The following DLG2 variants were observed in gnomAD, a reference collection of about 807,000 sequenced individuals.
The protein encoded by DLG2 is disks large homolog 2.
Under a neutral mutation model 132.5 loss-of-function variants are expected in DLG2, and 45 were observed. That is an observed-to-expected ratio of 0.34 (90% CI 0.27 to 0.44). DLG2 has a LOEUF of 0.44. DLG2 is among the 20% of genes least tolerant of loss of function. The pLI, the probability that DLG2 is intolerant of heterozygous loss-of-function variation, is 1.00. For missense variants in DLG2, 1,045 were observed against 1,196.9 expected (o/e 0.87, Z 1.87); for synonymous variants, 424 against 419.6 (o/e 1.01, Z -0.13).
chr11:85,593,366 G>C (rs1384467482), intron 3 of DLG2, among the ~76,000 whole-genome samples: 1 of 152,130 alleles, frequency 6.6e-6, no homozygotes, highest in Non-Finnish European at 1.5e-5. Context: ...GAAAGGATTA[G>C]TAAAGTACCA....
chr11:83,502,266 C>A (rs2094478729), intron 21 of DLG2, among the ~76,000 whole-genome samples: 1 of 152,126 alleles, frequency 6.6e-6, no homozygotes, highest in East Asian at 1.9e-4. Flanking sequence ...GAGTCACAAG[C>A]CAAGATTCAT....
chr11:84,326,240 C>T (rs1246982864), intron 7 of DLG2, among the ~76,000 whole-genome samples: 3 of 151,052 alleles, frequency 2.0e-5, no homozygotes, highest in African/African-American at 4.9e-5. Context: ...TTATTTTTTT[C>T]TCTAATTATT....
chr11:83,499,895 A>ATATACATCTATC (rs1296866569), intron 21 of DLG2, among the ~76,000 whole-genome samples: 13 of 114,522 alleles, frequency 1.1e-4, no homozygotes, highest in African/African-American at 3.8e-4. Flanking sequence ...ATATATATAT[A>ATATACATCTATC]TATCAGTTCT....
chr11:84,661,623 GAT>G (rs1382599911), intron 6 of DLG2, among the ~76,000 whole-genome samples: 1 of 152,120 alleles, frequency 6.6e-6, no homozygotes, highest in African/African-American at 2.4e-5. Flanking sequence ...ACAAGCCAGG[GAT>G]ATAAGAGCAA....
At chr11:84,958,088 T>C (rs1490156015) in intron 6 of DLG2, among the ~76,000 whole-genome samples, 1 of 152,178 alleles carries the variant, frequency 6.6e-6, no homozygotes, top group Non-Finnish European at 1.5e-5. Flanking sequence ...GTAGAATTTG[T>C]TTAATATTAT....
intron 3 of DLG2, among the ~76,000 whole-genome samples, chr11:85,377,760 C>T (rs1414737367): frequency 7.0e-6 from 1 of 142,890 alleles, no homozygotes; most frequent in Non-Finnish European, 1.5e-5. Flanking sequence ...CTGTTTCTTG[C>T]TAAGTGCAAT....
At chr11:84,145,004 A>G (rs1026400662) in intron 9 of DLG2, among the ~76,000 whole-genome samples, 13 of 152,268 alleles carry the variant, frequency 8.5e-5, no homozygotes, top group Middle Eastern at 3.4e-3. Context: ...GTTATTTCCA[A>G]TATTCTCAGA....
intron 21 of DLG2, among the ~76,000 whole-genome samples, chr11:83,507,683 A>G (rs926800256): frequency 1.4e-5 from 2 of 144,292 alleles, no homozygotes; most frequent in Admixed American, 1.4e-4. Flanking sequence ...TAAGTCCTTG[A>G]TGGTGGCACT....
At chr11:84,064,629 C>A (rs1012458516) in intron 10 of DLG2, among the ~76,000 whole-genome samples, 2 of 151,714 alleles carry the variant, frequency 1.3e-5, no homozygotes, top group Admixed American at 6.6e-5. Context: ...CAGTAAGCAT[C>A]AAAAATGTTA....
chr11:84,943,641 T>TC (rs1402774116), intron 6 of DLG2, among the ~76,000 whole-genome samples: 2 of 152,156 alleles, frequency 1.3e-5, no homozygotes, highest in East Asian at 3.8e-4. Context: ...TTTAACTTCA[T>TC]CCCCCCGATT....
intron 6 of DLG2, among the ~76,000 whole-genome samples, chr11:84,569,596 A>T (rs1027143224): frequency 6.6e-6 from 1 of 152,246 alleles, no homozygotes; most frequent in African/African-American, 2.4e-5. Flanking sequence ...CTAAACTGAA[A>T]AATTCATTAT....
rs542734804 is a variant in DLG2 at position 85,088,917 on chromosome 11, C to G, written c.357+22744G>C. On this transcript the variant is annotated intron_variant, in intron 6 of 27. Transcript: ENST00000376104. ...CATGGTTCAGTAACATTAAACCAAT[C>G]AGTTATACAAAATCAGCTTAAATAG... Among the ~76,000 whole-genome samples the G allele has an allele frequency of 8.5e-5, 13 of 152,228 alleles. No individual in the cohort carries two copies. In the East Asian group the frequency reaches 2.5e-3, roughly 29 times the overall value.
At chr11:83,557,395 G>T (rs1050817570) in intron 19 of DLG2, among the ~76,000 whole-genome samples, 1 of 152,188 alleles carries the variant, frequency 6.6e-6, no homozygotes, top group Non-Finnish European at 1.5e-5. Flanking sequence ...ACCACAGAGC[G>T]AAGGGAAAAT....
rs541991227 is a variant in DLG2 at position 84,658,415 on chromosome 11, G to T, written c.358-123684C>A. On this transcript the variant is annotated intron_variant, in intron 6 of 27. Transcript: ENST00000376104. ...GGTGGGGCGTTTGAGCAGTGATTAGGTCATGAGGCTGGAATTCTCGTGAAT... is the reference window on the plus strand; with the variant it reads ...GGTGGGGCGTTTGAGCAGTGATTAGTTCATGAGGCTGGAATTCTCGTGAAT... Among the ~76,000 whole-genome samples the T allele has an allele frequency of 1.5e-4, 23 of 152,240 alleles. No individual in the cohort carries two copies. In the South Asian group the frequency reaches 4.8e-3, roughly 32 times the overall value.
rs368937720 is a variant in DLG2 at position 85,134,024 on chromosome 11, A to ATGAGGGAGAG, written c.282+20522_282+20531dup. ...AGGAGAGAGGGGGTGGGAAGGGAGAATGAGGGAGAGTGAGGGAGAGTGAGG... is the reference window on the plus strand; with the variant it reads ...AGGAGAGAGGGGGTGGGAAGGGAGAATGAGGGAGAGTGAGGGAGAGTGAGGGAGAGTGAGG... On this transcript the variant is annotated intron_variant, in intron 5 of 27. Transcript: ENST00000376104. 1.2e-3 allele frequency among the ~76,000 whole-genome samples: 186 copies of ATGAGGGAGAG among 151,524 alleles called. 2 individuals carry two copies. The highest frequency in any genetic ancestry group is 5.4e-3 in the South Asian group (26 of 4,804).
intron 6 of DLG2, among the ~76,000 whole-genome samples, chr11:84,832,570 C>G (rs2079178451): frequency 6.6e-6 from 1 of 151,384 alleles, no homozygotes; most frequent in Non-Finnish European, 1.5e-5. Flanking sequence ...CCATTAAGTA[C>G]TTTTTTTTAT....
chr11:85,080,822 C>G (rs961276459), intron 6 of DLG2, among the ~76,000 whole-genome samples: 56 of 152,206 alleles, frequency 3.7e-4, no homozygotes, highest in African/African-American at 1.3e-3. Context: ...TAGTTGGAAA[C>G]CATAGAAGAA....
At chr11:83,455,084 A>G (rs981730573), downstream of DLG2, 4 of 152,670 alleles carry the variant, frequency 2.6e-5, no homozygotes, top group African/African-American at 9.6e-5. Flanking sequence ...TAAACACTCT[A>G]TCAGGCATTT....
intron 21 of DLG2, among the ~76,000 whole-genome samples, chr11:83,516,328 T>A (rs1449272803): frequency 6.6e-6 from 1 of 152,222 alleles, no homozygotes; most frequent in Non-Finnish European, 1.5e-5. Context: ...GTCTGTTTTA[T>A]CAGAGACTAG....
Sources: allele counts gnomAD v4.1 joint callset (sites outside exome capture counted in the v4.1 genomes callset), GRCh38; gene constraint gnomAD v4.1.1; transcripts MANE v1.5; gene names NCBI Gene and HGNC (gene_info 2026-07-23, HGNC 2026-07-21).